Variants in CCDC88A observed in about 807,000 individuals in gnomAD.
CCDC88A encodes the protein coiled-coil and HOOK domain protein 88A.
CCDC88A carries 54 observed loss-of-function variants against 234.3 expected under a neutral mutation model. That is an observed-to-expected ratio of 0.23 (90% CI 0.19 to 0.29). The LOEUF (loss-of-function observed/expected upper bound fraction) is 0.29, where lower values mean the gene tolerates loss of function less well. Among genes scored for constraint, CCDC88A ranks in the 10% least tolerant of loss-of-function variants. The pLI is 1.00. For synonymous variants in CCDC88A, 753 were observed against 737.8 expected, an observed-to-expected ratio of 1.02 and a Z score of -0.33; for missense variants, 1,832 against 2,123.4, an observed-to-expected ratio of 0.86 and a Z score of 2.70.
intron 12 of CCDC88A, chr2:55,339,916 C>G (rs774393614): frequency 4.7e-5 from 12 of 253,950 alleles, no homozygotes; most frequent in Non-Finnish European, 7.3e-5. Context: ...ACTGCAGCCT[C>G]AAACGCCTGG....
chr2:55,354,382 C>G (rs906609141), intron 8 of CCDC88A, among the ~76,000 whole-genome samples: 2 of 151,950 alleles, frequency 1.3e-5, no homozygotes, highest in African/African-American at 4.8e-5. Context: ...CCACCTGCCT[C>G]GGCCTCCCAA....
At chr2:55,373,594 G>C (rs1049125017) in intron 4 of CCDC88A, among the ~76,000 whole-genome samples, 1 of 152,074 alleles carries the variant, frequency 6.6e-6, no homozygotes, top group Admixed American at 6.5e-5. Context: ...CAAACCATAA[G>C]AGCTTCTAGA....
intron 8 of CCDC88A, 42 bp from the exon 9 acceptor site, chr2:55,349,641 A>G: frequency 7.4e-7 from 1 of 1,355,408 alleles, no homozygotes; most frequent in East Asian, 2.3e-5. Context: ...CTATTTTTGA[A>G]AACTGTGATC....
At position 55,334,543 on chromosome 2, in the gene CCDC88A, C is replaced by T. The variant is rs1380634158; in HGVS notation, c.2278G>A (p.Gly760Ser). The T allele has an allele frequency of 6.2e-7, 1 of 1,612,148 alleles. No homozygotes were observed. The highest frequency in any genetic ancestry group is 8.5e-7 in the Non-Finnish European group (1 of 1,179,568). ...AGTCTTTGATTTTCTATATCTAAACCCTGGTAGCTAACTTCTAAGCGTTCT... is the reference window on the plus strand; with the variant it reads ...AGTCTTTGATTTTCTATATCTAAACTCTGGTAGCTAACTTCTAAGCGTTCT... ...KTERLEVSYQ[G>S]LDIENQRLQK... The change falls in exon 15 of 33, where the codon GGT (glycine) becomes AGT (serine). Residue 760 changes from glycine (G) to serine (S), a missense_variant. By Grantham distance (56) the Gly-to-Ser change is moderately conservative (BLOSUM62 0). Around this residue, in one of 6 missense-constraint regions of CCDC88A, gnomAD observed 1,282 missense variants for 1,543.6 expected, o/e 0.83. Transcript: ENST00000436346. This position sits in a 1 kb window ranked among gnomAD's most constrained non-coding sequence, Gnocchi z 6.1.
At chr2:55,336,548 T>G in intron 14 of CCDC88A, 133 bp downstream of exon 14, 1 of 551,058 alleles carries the variant, frequency 1.8e-6, no homozygotes. Context: ...AAAATTATAA[T>G]TACTTTAAAA....
chr2:55,388,550 A>G (rs1318388914), intron 3 of CCDC88A: 9 of 242,190 alleles, frequency 3.7e-5, no homozygotes, highest in African/African-American at 6.7e-5. Context: ...CTGATTTTTA[A>G]AACATAAAAT....
At chr2:55,395,018 G>A (rs1268953046) in intron 2 of CCDC88A, among the ~76,000 whole-genome samples, 1 of 151,786 alleles carries the variant, frequency 6.6e-6, no homozygotes, top group Non-Finnish European at 1.5e-5. Context: ...GCTGATTTTT[G>A]TATTTTTAGG....
chr2:55,342,509 TTAAC>T (rs1303875365), intron 12 of CCDC88A, among the ~76,000 whole-genome samples: 2 of 152,212 alleles, frequency 1.3e-5, no homozygotes, highest in Admixed American at 1.3e-4. Flanking sequence ...AAGGAAACTC[TTAAC>T]TAACACAGTA....
At chr2:55,382,371 C>T (rs1674733825) in intron 3 of CCDC88A, among the ~76,000 whole-genome samples, 1 of 152,182 alleles carries the variant, frequency 6.6e-6, no homozygotes, top group Non-Finnish European at 1.5e-5. Flanking sequence ...CTAATTGTAA[C>T]ATGTTCTTTC....
chr2:55,357,308 A>ATTCCTTCCTTCC (rs35015971), intron 7 of CCDC88A, among the ~76,000 whole-genome samples: 1 of 145,794 alleles, frequency 6.9e-6, no homozygotes, highest in Non-Finnish European at 1.5e-5. Context: ...CATCTCAAAA[A>ATTCCTTCCTTCC]TTCCTTCCTT....
chr2:55,291,825 A>G (rs1679477383), intron 31 of CCDC88A, 50 bp from the exon 32 acceptor site: 4 of 1,415,040 alleles, frequency 2.8e-6, no homozygotes, highest in Middle Eastern at 1.8e-4. Context: ...GAAACAAAAT[A>G]CAATTCAGAA....
chr2:55,374,904 C>A, intron 3 of CCDC88A, 21 bp from the exon 4 acceptor site: 2 of 1,475,956 alleles, frequency 1.4e-6, no homozygotes, highest in Non-Finnish European at 1.9e-6. Context: ...ATATCCAACA[C>A]TTGTTATATG....
At chr2:55,367,528 G>GTTTTTTTTTTTTTTGTTTT in intron 5 of CCDC88A, among the ~76,000 whole-genome samples, 41 of 99,866 alleles carry the variant, frequency 4.1e-4, no homozygotes, top group South Asian at 1.4e-3. Context: ...TTATTTCCTT[G>GTTTTTTTTTTTTTTGTTTT]TTTTTTTTTA....
At chr2:55,345,935 C>T (rs1335812206) in intron 10 of CCDC88A, 1 of 326,802 alleles carries the variant, frequency 3.1e-6, no homozygotes, top group Admixed American at 4.6e-5. Flanking sequence ...ATATATGATG[C>T]TAAGAAAAGG....
chr2:55,309,352 C>T lies in CCDC88A; in HGVS notation c.4080-98G>A. 1.8e-6 allele frequency: 1 copy of T among 546,080 alleles called. No individual in the cohort carries two copies. The highest frequency in any genetic ancestry group is 3.2e-5 in the South Asian group (1 of 31,614). The allele number at this position is 546,080 out of a possible 1,614,324, so 33.8% of individuals were successfully genotyped here. A position where few individuals can be genotyped will look rare whatever the true frequency, so the allele number is the denominator to read the frequency against. On this transcript the variant is annotated intron_variant, in intron 23 of 32. Coordinates refer to ENST00000436346, the MANE Select transcript of CCDC88A (RefSeq NM_001365480.1). The surrounding 1 kb of genome is among the most constrained non-coding windows in gnomAD (Gnocchi z 5.1). ...ACTGTGATCTAATGTCTCCCCAAAA[C>T]ATAAAAAAATACAGATACCATGGTT...
chr2:55,318,119 G>C (rs1281283222), intron 19 of CCDC88A, among the ~76,000 whole-genome samples: 2 of 152,016 alleles, frequency 1.3e-5, no homozygotes, highest in Non-Finnish European at 2.9e-5. Context: ...AAGGTGATTA[G>C]CAACCATTTG....
chr2:55,292,206 G>A (rs1033889711), intron 31 of CCDC88A: 1 of 153,164 alleles, frequency 6.5e-6, no homozygotes, highest in African/African-American at 2.4e-5. Flanking sequence ...AGCTAAAATT[G>A]CTTTGGTCAA....
Position 55,334,987 on chromosome 2 carries a change from G to C in CCDC88A, c.1834C>G (p.Gln612Glu). 1.9e-6 allele frequency: 3 copies of C among 1,589,638 alleles called. No individual in the cohort carries two copies. The highest frequency in any genetic ancestry group is 2.6e-6 in the Non-Finnish European group (3 of 1,167,610). Residue 612 changes from glutamine (Q) to glutamate (E), a missense_variant, in exon 15 of 33, where the codon CAA (glutamine) becomes GAA (glutamate). By Grantham distance (29) the Gln-to-Glu change is conservative (BLOSUM62 2). Around this residue, in one of 6 missense-constraint regions of CCDC88A, gnomAD observed 1,282 missense variants for 1,543.6 expected, o/e 0.83. Transcript: ENST00000436346. The surrounding 1 kb of genome is among the most constrained non-coding windows in gnomAD (Gnocchi z 6.1). Reference sequence around the variant, plus strand: ...TAATGTTCCAATTCTTTTTTAATTTGTCTTTTTTCAAATTCAATCTTGCTT... The same window carrying C: ...TAATGTTCCAATTCTTTTTTAATTTCTCTTTTTTCAAATTCAATCTTGCTT... ...KLSKIEFEKR[Q>E]IKKELEHYKE... is the part of the protein sequence containing the mutation.
In CCDC88A at chr2:55,317,588, A is replaced by G; in HGVS notation, c.3578T>C (p.Val1193Ala). 1 of 1,583,480 alleles carries G rather than the reference A, an allele frequency of 6.3e-7. No homozygotes were observed. The highest frequency in any genetic ancestry group is 2.3e-5 in the East Asian group (1 of 44,306). The change falls in exon 20 of 33, where the codon GTG (valine) becomes GCG (alanine). Residue 1193 changes from valine (V) to alanine (A), a missense_variant. Physicochemically the swap from Val to Ala is moderately conservative, Grantham distance 64. This residue lies in a region of CCDC88A where 1,282 missense variants were observed against 1,543.6 expected (regional missense o/e 0.83). Transcript: ENST00000436346. This position sits in a 1 kb window ranked among gnomAD's most constrained non-coding sequence, Gnocchi z 4.2. Reference sequence around the variant, plus strand: ...CCGGTCTTCAAGGTCTCTATGTTCCACCTCAAGATTTTTGTGGGCAGACTT... The same window carrying G: ...CCGGTCTTCAAGGTCTCTATGTTCCGCCTCAAGATTTTTGTGGGCAGACTT... ...TLKSAHKNLE[V>A]EHRDLEDRYN...
Sources: gnomAD v4.1 joint callset for allele counts (sites outside exome capture counted in the v4.1 genomes callset) on GRCh38, gnomAD v4.1.1 for gene constraint, gnomAD v4.1.1 regional missense constraint, Gnocchi (gnomAD v3.1) non-coding constraint, MANE v1.5 for transcripts, NCBI Gene and HGNC (gene_info 2026-07-23, HGNC 2026-07-21) for gene names.